ZNF442: variants seen among roughly 807,000 people sequenced by gnomAD.
The protein encoded by ZNF442 is zinc finger protein 442.
ZNF442 carries 45 observed loss-of-function variants against 57.0 expected under a neutral mutation model. The ratio of observed to expected loss-of-function variants is 0.79; its 90% confidence interval spans 0.62 to 1.01. The LOEUF is 1.01. Ranked by LOEUF, ZNF442 falls within the 50% of genes least tolerant of loss-of-function variation. The pLI, the probability that ZNF442 is intolerant of heterozygous loss-of-function variation, is 0.00. For missense variants in ZNF442, 690 were observed against 756.5 expected, an observed-to-expected ratio of 0.91 and a Z score of 1.03; for synonymous variants, 213 against 241.8, an observed-to-expected ratio of 0.88 and a Z score of 1.10.
chr19:12,367,060 T>C (rs939862826), upstream of ZNF442, among the ~76,000 whole-genome samples: 7 of 152,220 alleles, frequency 4.6e-5, no homozygotes, highest in South Asian at 6.2e-4. Context: ...GAATTCTCTT[T>C]CCAACAAAAG....
chr19:12,353,947 G>C (rs77680973), intron 3 of ZNF442, among the ~76,000 whole-genome samples: 7,346 of 152,128 alleles, frequency 0.048, 588 homozygotes, highest in African/African-American at 0.17. Context: ...GCCACACAGG[G>C]ACTCGACAGA....
At chr19:12,352,708 T>G (rs1969261937) in intron 4 of ZNF442, among the ~76,000 whole-genome samples, 1 of 152,186 alleles carries the variant, frequency 6.6e-6, no homozygotes, top group South Asian at 2.1e-4. Context: ...TAGCTTACAT[T>G]TTTATGAGAA....
chr19:12,358,904 T>C (rs1256586055), intron 3 of ZNF442, among the ~76,000 whole-genome samples: 2 of 152,186 alleles, frequency 1.3e-5, no homozygotes, highest in African/African-American at 4.8e-5. Flanking sequence ...TAATCAAATG[T>C]GTATAAAACC....
chr19:12,370,722 C>G (rs1969573537), upstream of ZNF442, among the ~76,000 whole-genome samples: 1 of 152,068 alleles, frequency 6.6e-6, no homozygotes, highest in Non-Finnish European at 1.5e-5. Flanking sequence ...CGCCTGTAAT[C>G]CCAGCACCTT....
Position 12,349,964 on chromosome 19 carries a change from C to T in ZNF442, c.1621G>A (p.Glu541Lys), listed in dbSNP as rs753645596. The T allele has an allele frequency of 1.2e-6, 2 of 1,614,206 alleles. No homozygotes were observed. The highest frequency in any genetic ancestry group is 3.3e-5 in the Admixed American group (2 of 60,032). ...LKVHERIHTG[E>K]KPYECKECRK... Reference sequence around the variant, plus strand: ...CATTCCTTACATTCATATGGCTTCTCTCCAGTGTGAATCCTTTCATGGACT... The same window carrying T: ...CATTCCTTACATTCATATGGCTTCTTTCCAGTGTGAATCCTTTCATGGACT... Residue 541 changes from glutamate (E) to lysine (K), a missense_variant, in exon 6 of 6, where the codon GAG becomes AAG. By Grantham distance (56) the Glu-to-Lys change is moderately conservative. Transcript: ENST00000242804.
intron 3 of ZNF442, among the ~76,000 whole-genome samples, chr19:12,360,319 AC>A (rs1969402256): frequency 6.6e-6 from 1 of 152,154 alleles, no homozygotes; most frequent in African/African-American, 2.4e-5. Flanking sequence ...ACAGGGAATC[AC>A]CCCAACTGCC....
At position 12,350,843 on chromosome 19, in the gene ZNF442, T is replaced by C. The variant is rs755776255; in HGVS notation, c.742A>G (p.Ile248Val). 1 of 1,612,398 alleles carries C rather than the reference T, an allele frequency of 6.2e-7. No homozygotes were observed. Among genetic ancestry groups the C allele is most frequent in the East Asian group, 2.2e-5 (1 of 44,722 alleles). ...ECKQCCKAFP[I>V]YSSYLRHERT... ...TCATGTCTTAGATAGGAACTGTAAA[T>C]AGGGAAGGCTTTACAACACTGCTTA... Residue 248 changes from isoleucine to valine, a missense_variant, in exon 6 of 6, where the codon ATT (isoleucine) becomes GTT (valine). Physicochemically the swap from Ile to Val is conservative, Grantham distance 29. Transcript: ENST00000242804.
In ZNF442 at chr19:12,350,376, T is replaced by C; in HGVS notation, c.1209A>G (p.Gly403=). ...RSHMIMHTGD[G]PHKCKVCGKA... ...TCCCACATACCTTGCATTTGTGAGGTCCATCTCCAGTGTGCATTATCATAT... is the reference window on the plus strand; with the variant it reads ...TCCCACATACCTTGCATTTGTGAGGCCCATCTCCAGTGTGCATTATCATAT... The change falls in exon 6 of 6, where the codon GGA becomes GGG. Residue 403 remains glycine, a synonymous_variant. Coordinates refer to ENST00000242804, the MANE Select transcript of ZNF442 (RefSeq NM_030824.3). 1 of 1,613,960 alleles carries C rather than the reference T, an allele frequency of 6.2e-7. No homozygotes were observed. Among genetic ancestry groups the C allele is most frequent in the Non-Finnish European group, 8.5e-7 (1 of 1,180,020 alleles).
At position 12,351,258 on chromosome 19, in the gene ZNF442, T is replaced by C. The variant is rs779460436; in HGVS notation, c.327A>G (p.Lys109=). ...SRQPDSTVNE[K]PPGVDPCKSS... is the part of the protein sequence containing the mutation. Reference sequence around the variant, plus strand: ...TTTTACATGGATCTACTCCAGGAGGTTTTTCATTCACAGTACTATCTGGCT... The same window carrying C: ...TTTTACATGGATCTACTCCAGGAGGCTTTTCATTCACAGTACTATCTGGCT... Residue 109 remains lysine (K), a synonymous_variant, in exon 6 of 6, where the codon AAA becomes AAG. Coordinates refer to ENST00000242804, the MANE Select transcript of ZNF442 (RefSeq NM_030824.3). The C allele has an allele frequency of 8.7e-5, 141 of 1,613,842 alleles. 2 individuals are homozygous for C. In the Admixed American group the frequency reaches 2.3e-3, roughly 26 times the overall value.
chr19:12,368,922 T>G (rs1402518768), upstream of ZNF442, among the ~76,000 whole-genome samples: 1 of 152,142 alleles, frequency 6.6e-6, no homozygotes, highest in Non-Finnish European at 1.5e-5. Context: ...CTGTGTCCTC[T>G]GCGCAGTGTG....
the ZNF442 span, among the ~76,000 whole-genome samples, chr19:12,371,995 CAGAGT>C: frequency 6.6e-6 from 1 of 152,144 alleles, no homozygotes; most frequent in East Asian, 1.9e-4. Context: ...GAACTATCAA[CAGAGT>C]AAACAGACAA....
At chr19:12,355,491 A>G (rs1319775603) in intron 3 of ZNF442, among the ~76,000 whole-genome samples, 1 of 148,314 alleles carries the variant, frequency 6.7e-6, no homozygotes, top group Non-Finnish European at 1.5e-5. Flanking sequence ...CCTCCCAAGT[A>G]GCTGAGATTA....
chr19:12,350,859 A>T lies in ZNF442; in HGVS notation c.726T>A (p.Cys242Ter). ...AACTGTAAATAGGGAAGGCTTTACA[A>T]CACTGCTTACATTCATACGGTTTCT... The part of the protein sequence containing the change: ...TGEKPYECKQ[C>*]CKAFPIYSSY... The change falls in exon 6 of 6, where the codon TGT becomes TGA. Residue 242 changes from cysteine to a stop codon, truncating the protein, a stop_gained. Transcript: ENST00000242804. LOFTEE classifies it high-confidence loss of function. 1 of 1,613,486 alleles carries T rather than the reference A, an allele frequency of 6.2e-7. No homozygotes were observed. The highest frequency in any genetic ancestry group is 8.5e-7 in the Non-Finnish European group (1 of 1,179,866).
intron 3 of ZNF442, among the ~76,000 whole-genome samples, chr19:12,358,917 T>C (rs1349666160): frequency 6.6e-6 from 1 of 152,168 alleles, no homozygotes; most frequent in Non-Finnish European, 1.5e-5. Context: ...ATAAAACCAA[T>C]GACTCCCTCT....
Position 12,346,586 on chromosome 19 carries a change from G to A in ZNF442, c.*3115C>T, listed in dbSNP as rs570049925. 1 of 152,112 alleles carries A rather than the reference G, an allele frequency of 6.6e-6. No homozygotes were observed. Among genetic ancestry groups the A allele is most frequent in the Non-Finnish European group, 1.5e-5 (1 of 68,028 alleles). 9.4% of individuals were successfully genotyped at this position (152,112 alleles called of 1,614,324 possible). A position where few individuals can be genotyped will look rare whatever the true frequency, so the allele number is the denominator to read the frequency against. ...CTGTGAACCAGCAATTACACTCCTA[G>A]GGATACATATATCCAAAAGAATTGA... is the stretch of plus-strand genomic sequence containing the variant. On this transcript the variant is annotated 3_prime_UTR_variant, in exon 6 of 6. Transcript: ENST00000242804.
At chr19:12,367,312 AG>A (rs1969544571), upstream of ZNF442, among the ~76,000 whole-genome samples, 1 of 152,216 alleles carries the variant, frequency 6.6e-6, no homozygotes, top group South Asian at 2.1e-4. Context: ...GGATTCTAAT[AG>A]GGGAGGGGGT....
chr19:12,365,602 G>A lies in ZNF442; in HGVS notation c.-552C>T. On this transcript the variant is annotated 5_prime_UTR_variant, in exon 1 of 6. Transcript: ENST00000242804. Reference sequence around the variant, plus strand: ...CCGCTGCCAGCATAGGACTCAGCGTGACAGTGCCTGCCACTGACCTGCCAG... The same window carrying A: ...CCGCTGCCAGCATAGGACTCAGCGTAACAGTGCCTGCCACTGACCTGCCAG... 3.0e-6 allele frequency: 1 copy of A among 338,548 alleles called. No individual in the cohort carries two copies. The highest frequency in any genetic ancestry group is 3.4e-5 in the South Asian group (1 of 29,504). 21.0% of individuals were successfully genotyped at this position (338,548 alleles called of 1,614,324 possible).
At position 12,363,981 on chromosome 19, in the gene ZNF442, A is replaced by G. The variant is rs115199520; in HGVS notation, c.-40-310T>C. Among the ~76,000 whole-genome samples the G allele has an allele frequency of 3.7e-3, 570 of 152,328 alleles. 4 individuals carry two copies. Among genetic ancestry groups the G allele is most frequent in the African/African-American group, 0.013 (560 of 41,566 alleles). ...TTTCTAAAGGGGACTTTCAATGTTGATTAGGTATCCGTACCCAGGGGAAAG... is the reference window on the plus strand; with the variant it reads ...TTTCTAAAGGGGACTTTCAATGTTGGTTAGGTATCCGTACCCAGGGGAAAG... On this transcript the variant is annotated intron_variant, in intron 2 of 5. Transcript: ENST00000242804.
At chr19:12,362,360 T>C (rs1305581698) in intron 3 of ZNF442, among the ~76,000 whole-genome samples, 1 of 151,416 alleles carries the variant, frequency 6.6e-6, no homozygotes, top group Non-Finnish European at 1.5e-5. Flanking sequence ...GGAGCGCCTC[T>C]GCCCAGCGGC....
Sources: allele counts gnomAD v4.1 joint callset (sites outside exome capture counted in the v4.1 genomes callset), GRCh38; gene constraint gnomAD v4.1.1; transcripts MANE v1.5; gene names NCBI Gene and HGNC (gene_info 2026-07-23, HGNC 2026-07-21).